TMSB15B: variants seen among roughly 807,000 people sequenced by gnomAD.
TMSB15B encodes the protein thymosin beta-15B.
At chrX:103,929,077 A>G in intron 1 of TMSB15B, 1 of 955,394 alleles carries the variant, frequency 1.0e-6, no homozygotes, top group Non-Finnish European at 1.4e-6. Flanking sequence ...GGTTGGTTCT[A>G]TATAGCTTAC....
exon 1 of TMSB15B, chrX:103,919,235 C>G (rs1213288961): frequency 8.9e-6 from 1 of 112,916 alleles, no homozygotes; most frequent in Non-Finnish European, 1.9e-5. Flanking sequence ...GGCACGGGAG[C>G]CGGCGCGGCG....
At chrX:103,946,122 G>GA (rs2147824212) in intron 1 of TMSB15B, among the ~76,000 whole-genome samples, 1 of 112,030 alleles carries the variant, frequency 8.9e-6, no homozygotes, top group Non-Finnish European at 1.9e-5. Context: ...TTATTACTCA[G>GA]AAAAAGCAGT....
intron 1 of TMSB15B, among the ~76,000 whole-genome samples, chrX:103,946,487 C>G (rs868969075): frequency 1.8e-5 from 2 of 112,120 alleles, no homozygotes; most frequent in African/African-American, 3.2e-5. Flanking sequence ...AACTTTAAGT[C>G]AGCAAATTGG....
intron 1 of TMSB15B, among the ~76,000 whole-genome samples, chrX:103,925,637 G>T (rs781936248): frequency 8.9e-6 from 1 of 111,894 alleles, no homozygotes; most frequent in African/African-American, 3.3e-5. Context: ...AATTTCTAAA[G>T]GTCACACATC....
intron 1 of TMSB15B, among the ~76,000 whole-genome samples, chrX:103,920,632 G>C (rs2074949607): frequency 8.9e-6 from 1 of 112,566 alleles, no homozygotes; most frequent in Admixed American, 9.4e-5. Flanking sequence ...TTTTCAAATG[G>C]GTCTGTCATA....
intron 1 of TMSB15B, among the ~76,000 whole-genome samples, chrX:103,945,694 G>A (rs2075023778): frequency 8.9e-6 from 1 of 112,010 alleles, no homozygotes; most frequent in African/African-American, 3.2e-5. Context: ...ATGTTTCCTT[G>A]GGAGAATATA....
chrX:103,934,846 G>T (rs2074993322), intron 1 of TMSB15B, among the ~76,000 whole-genome samples: 2 of 111,711 alleles, frequency 1.8e-5, no homozygotes, highest in Non-Finnish European at 3.8e-5. Flanking sequence ...AATCCTTTGG[G>T]TATATACCCA....
chrX:103,949,192 A>G (rs1482235916), intron 1 of TMSB15B, among the ~76,000 whole-genome samples: 1 of 111,780 alleles, frequency 8.9e-6, no homozygotes, highest in Non-Finnish European at 1.9e-5. Context: ...ATCAGAGATC[A>G]GAGATACAAT....
chrX:103,944,549 A>G (rs1389148776), intron 1 of TMSB15B, among the ~76,000 whole-genome samples: 1 of 111,903 alleles, frequency 8.9e-6, no homozygotes, highest in African/African-American at 3.3e-5. Context: ...TGGAGGACAT[A>G]GTAGCTGGGT....
chrX:103,941,789 A>G (rs1556325243), intron 1 of TMSB15B, among the ~76,000 whole-genome samples: 1 of 111,825 alleles, frequency 8.9e-6, no homozygotes, highest in African/African-American at 3.2e-5. Flanking sequence ...GCTGGCCAAC[A>G]CTTGGTATTA....
intron 1 of TMSB15B, chrX:103,928,177 C>T (rs111755550): frequency 5.2e-5 from 61 of 1,170,317 alleles, no homozygotes; most frequent in East Asian, 4.8e-4. Flanking sequence ...AAAGCTGGCA[C>T]TCCCAGGCCT....
At chrX:103,938,546 G>A (rs564508012) in intron 1 of TMSB15B, among the ~76,000 whole-genome samples, 1 of 111,933 alleles carries the variant, frequency 8.9e-6, no homozygotes, top group South Asian at 3.8e-4. Flanking sequence ...GCCTATGTGT[G>A]TCTTTGCATG....
chrX:103,948,292 A>T (rs1267953123), intron 1 of TMSB15B, among the ~76,000 whole-genome samples: 3 of 112,326 alleles, frequency 2.7e-5, no homozygotes, highest in African/African-American at 9.7e-5. Flanking sequence ...ACGTCTGAAA[A>T]TACTAAATAT....
At chrX:103,934,485 C>T (rs2074992334) in intron 1 of TMSB15B, among the ~76,000 whole-genome samples, 2 of 110,322 alleles carry the variant, frequency 1.8e-5, no homozygotes, top group Admixed American at 1.9e-4. Context: ...TGCTATCCCT[C>T]CCCTTGCCCC....
chrX:103,927,662 G>GTT (rs1157847043), intron 1 of TMSB15B, among the ~76,000 whole-genome samples: 35 of 80,888 alleles, frequency 4.3e-4, no homozygotes, highest in African/African-American at 1.4e-3. Context: ...ATAGTGCCAG[G>GTT]TTTTTTTTTT....
At chrX:103,919,786 G>A (rs1188918589) in intron 1 of TMSB15B, among the ~76,000 whole-genome samples, 2 of 112,473 alleles carry the variant, frequency 1.8e-5, no homozygotes, top group African/African-American at 6.5e-5. Flanking sequence ...AAGACAGAGA[G>A]GTTAAGCGTC....
At chrX:103,950,671 C>G (rs1205955235) in intron 1 of TMSB15B, among the ~76,000 whole-genome samples, 1 of 109,194 alleles carries the variant, frequency 9.2e-6, no homozygotes, top group African/African-American at 3.3e-5. Context: ...ATTTTGTAAT[C>G]AATGCTTCAA....
chrX:103,946,774 A>G (rs2075026722), intron 1 of TMSB15B, among the ~76,000 whole-genome samples: 1 of 112,153 alleles, frequency 8.9e-6, no homozygotes, highest in African/African-American at 3.2e-5. Flanking sequence ...AGACCAAAGT[A>G]CACAACCAAA....
chrX:103,928,380 G>A, intron 1 of TMSB15B: 1 of 1,210,375 alleles, frequency 8.3e-7, no homozygotes, highest in Non-Finnish European at 1.1e-6. Flanking sequence ...GGACTCTTCT[G>A]TTTGGGACTT....
Sources: allele counts gnomAD v4.1 joint callset (sites outside exome capture counted in the v4.1 genomes callset), GRCh38; gene constraint gnomAD v4.1.1; transcripts MANE v1.5; gene names NCBI Gene and HGNC (gene_info 2026-07-23, HGNC 2026-07-21).